GABRG2: variants seen among roughly 807,000 people sequenced by gnomAD.
GABRG2 encodes gamma-aminobutyric acid receptor subunit gamma-2.
In GABRG2, 16 loss-of-function variants were observed where a neutral mutation model predicts 56.4. The observed-to-expected ratio is 0.28, with a 90% confidence interval of 0.19 to 0.43. GABRG2 has a LOEUF of 0.43. GABRG2 is among the 20% of genes least tolerant of loss of function. The pLI is 1.00. For synonymous variants in GABRG2, 208 were observed against 205.5 expected, an observed-to-expected ratio of 1.01 and a Z score of -0.10; for missense variants, 327 against 582.7, an observed-to-expected ratio of 0.56 and a Z score of 4.52.
chr5:162,107,259 T>A (rs574809177), intron 6 of GABRG2, among the ~76,000 whole-genome samples: 1 of 152,246 alleles, frequency 6.6e-6, no homozygotes, highest in South Asian at 2.1e-4. Flanking sequence ...GGAAAGTTAA[T>A]ATAAGGACCA....
rs775462510 is a variant in GABRG2, at chr5:162,103,995, A to G, written c.738A>G (p.Arg246=). The G allele has an allele frequency of 1.9e-6, 3 of 1,614,012 alleles. No individual in the cohort carries two copies. The South Asian group carries it at 3.3e-5, about 18-fold the overall frequency. Residue 246 remains arginine (R), a synonymous_variant, in exon 6 of 10, where the codon AGA becomes AGG. Coordinates refer to ENST00000639213, the MANE Select transcript of GABRG2 (RefSeq NM_198904.4). ...RLYQFSFVGL[R]NTTEVVKTTS... ...ATCAATTCTCATTTGTTGGTCTAAG[A>G]AATACCACCGAAGTAGTGAAGACAA... is the stretch of plus-strand genomic sequence containing the variant.
intron 8 of GABRG2, chr5:162,150,645 A>G (rs1022398032): frequency 6.6e-6 from 1 of 152,196 alleles, no homozygotes; most frequent in East Asian, 1.9e-4. Flanking sequence ...ATAACGCTCT[A>G]CCTATCCAAC....
rs1303532863 is a variant in GABRG2, at chr5:162,067,941, G to T, written c.-59G>T. ...TCATAAGCATAAGAATAATACAAAG[G>T]GGAGGGATTCTTCTGCAACCAAGAG... On this transcript the variant is annotated 5_prime_UTR_variant, in exon 1 of 10. Transcript: ENST00000639213. The T allele has an allele frequency of 8.7e-7, 1 of 1,152,346 alleles. No homozygotes were observed. Among genetic ancestry groups the T allele is most frequent in the East Asian group, 2.3e-5 (1 of 42,636 alleles). The allele number at this position is 1,152,346 out of a possible 1,614,324, so 71.4% of individuals were successfully genotyped here.
intron 6 of GABRG2, among the ~76,000 whole-genome samples, chr5:162,123,258 C>A (rs1304057989): frequency 1.3e-5 from 2 of 151,400 alleles, no homozygotes; most frequent in Admixed American, 1.3e-4. Context: ...ATTTCTATTT[C>A]TTCACACTTC....
chr5:162,106,138 G>C (rs758027340), intron 6 of GABRG2, among the ~76,000 whole-genome samples: 1 of 152,114 alleles, frequency 6.6e-6, no homozygotes, highest in Non-Finnish European at 1.5e-5. Context: ...ACTTGTGGGA[G>C]AAAATTATCT....
rs777192588 is a variant in GABRG2, at chr5:162,097,643, C to T, written c.333C>T (p.Tyr111=). 18 of 1,605,694 alleles carry T rather than the reference C, an allele frequency of 1.1e-5. No individual in the cohort carries two copies. Among genetic ancestry groups the T allele is most frequent in the African/African-American group, 2.7e-5 (2 of 74,672 alleles). ...TTATCATTTTATTAAAACAGGAATA[C>T]ACTATTGATATATTTTTTGCGCAAA... is the stretch of plus-strand genomic sequence containing the variant. ...IGPVNAINME[Y]TIDIFFAQTW... Residue 111 remains tyrosine, a synonymous_variant, in exon 4 of 10, where the codon TAC becomes TAT. Transcript: ENST00000639213.
At chr5:162,073,338 A>G (rs910139138) in intron 1 of GABRG2, among the ~76,000 whole-genome samples, 2 of 151,914 alleles carry the variant, frequency 1.3e-5, no homozygotes, top group African/African-American at 2.4e-5. Context: ...TTTAGAATAT[A>G]TATTTCCTCA....
chr5:162,105,676 T>C (rs1761761575), intron 6 of GABRG2, among the ~76,000 whole-genome samples: 1 of 151,906 alleles, frequency 6.6e-6, no homozygotes, highest in Non-Finnish European at 1.5e-5. Flanking sequence ...GTGATCCGCC[T>C]GCCTCAGCCT....
At chr5:162,126,717 T>C (rs914202178) in intron 6 of GABRG2, among the ~76,000 whole-genome samples, 1 of 151,974 alleles carries the variant, frequency 6.6e-6, no homozygotes, top group Non-Finnish European at 1.5e-5. Context: ...ATGAACTGTT[T>C]GTAGTTTTTC....
chr5:162,071,919 A>G (rs990377649), intron 1 of GABRG2, among the ~76,000 whole-genome samples: 1 of 151,178 alleles, frequency 6.6e-6, no homozygotes, highest in Non-Finnish European at 1.5e-5. Flanking sequence ...ATTAACCTGA[A>G]AAAAAAAATA....
At chr5:162,115,356 T>A (rs1226018711) in intron 6 of GABRG2, among the ~76,000 whole-genome samples, 1 of 152,206 alleles carries the variant, frequency 6.6e-6, no homozygotes, top group African/African-American at 2.4e-5. Context: ...GGTATTTGCG[T>A]TCTCTATGTC....
chr5:162,136,320 C>T (rs1403377001), intron 6 of GABRG2, among the ~76,000 whole-genome samples: 1 of 152,160 alleles, frequency 6.6e-6, no homozygotes, highest in Non-Finnish European at 1.5e-5. Context: ...TCTGTACCGT[C>T]CAATACACTA....
At chr5:162,144,579 C>A (rs1017800313) in intron 7 of GABRG2, among the ~76,000 whole-genome samples, 7 of 152,168 alleles carry the variant, frequency 4.6e-5, no homozygotes, top group African/African-American at 1.7e-4. Context: ...TTCACAACAC[C>A]TGCATGTAGA....
chr5:162,091,264 G>A (rs209355), intron 1 of GABRG2, among the ~76,000 whole-genome samples: 61,583 of 151,310 alleles, frequency 0.41, 12,560 homozygotes, highest in Non-Finnish European at 0.43. Context: ...TCTATCAGTG[G>A]TCACTTTATA....
intron 6 of GABRG2, among the ~76,000 whole-genome samples, chr5:162,135,077 C>T (rs1218859722): frequency 6.6e-6 from 1 of 152,142 alleles, no homozygotes; most frequent in Non-Finnish European, 1.5e-5. Context: ...GTAGACTTGG[C>T]ACACTGTGGT....
At chr5:162,073,345 C>T (rs965936090) in intron 1 of GABRG2, among the ~76,000 whole-genome samples, 14 of 151,250 alleles carry the variant, frequency 9.3e-5, no homozygotes, top group African/African-American at 2.7e-4. Flanking sequence ...TATATATTTC[C>T]TCATTGTTTG....
At chr5:162,151,847 C>G in intron 9 of GABRG2, 94 bp downstream of exon 9, 1 of 1,084,546 alleles carries the variant, frequency 9.2e-7, no homozygotes, top group East Asian at 2.4e-5. Context: ...TATGAGTAGA[C>G]ATTTAAGCAT....
At chr5:162,099,658 T>C (rs950042095) in intron 4 of GABRG2, 1 of 152,202 alleles carries the variant, frequency 6.6e-6, no homozygotes, top group African/African-American at 2.4e-5. Flanking sequence ...CCAATCATAC[T>C]ATCTCAAGTG....
rs191015034 is a variant in GABRG2 at position 162,084,599 on chromosome 5, C to G, written c.108-9229C>G. Among the ~76,000 whole-genome samples the G allele has an allele frequency of 2.9e-3, 440 of 151,876 alleles. 1 individual carries two copies. Among genetic ancestry groups the G allele is most frequent in the Non-Finnish European group, 4.8e-3 (324 of 67,794 alleles). On this transcript the variant is annotated intron_variant, in intron 1 of 9. Coordinates refer to ENST00000639213, the MANE Select transcript of GABRG2 (RefSeq NM_198904.4). ...AGACTGGCATTTCTTTAAAGCCCTCCACTTAATATTAACATACAGCCAGGG... is the reference window on the plus strand; with the variant it reads ...AGACTGGCATTTCTTTAAAGCCCTCGACTTAATATTAACATACAGCCAGGG...
Sources: gnomAD v4.1 joint callset for allele counts (sites outside exome capture counted in the v4.1 genomes callset) on GRCh38, gnomAD v4.1.1 for gene constraint, MANE v1.5 for transcripts, NCBI Gene and HGNC (gene_info 2026-07-23, HGNC 2026-07-21) for gene names.